The following SOS1 variants were observed in gnomAD, a reference collection of about 807,000 sequenced individuals.
SOS1 encodes SOS Ras/Rac guanine nucleotide exchange factor 1.
A neutral mutation model predicts 157.6 loss-of-function variants in SOS1; 25 were observed. The ratio of observed to expected loss-of-function variants is 0.16; its 90% CI spans 0.12 to 0.22. The LOEUF is 0.22. SOS1 is among the 10% of genes least tolerant of loss of function. SOS1 has a pLI of 1.00. For synonymous variants in SOS1, 528 were observed against 534.0 expected, an observed-to-expected ratio of 0.99 and a Z score of 0.16; for missense variants, 1,237 against 1,599.1, an observed-to-expected ratio of 0.77 and a Z score of 3.86.
intron 10 of SOS1, among the ~76,000 whole-genome samples, chr2:39,018,521 A>G (rs35666403): frequency 0.017 from 2,657 of 151,838 alleles, 39 homozygotes; most frequent in Non-Finnish European, 0.029. Flanking sequence ...TTTCCTCACT[A>G]TAAAACCATT....
chr2:39,075,517 T>A (rs1671938692), intron 1 of SOS1, among the ~76,000 whole-genome samples: 1 of 151,430 alleles, frequency 6.6e-6, no homozygotes, highest in Non-Finnish European at 1.5e-5. Context: ...AAAAACAAAC[T>A]TGAAAGTCAC....
chr2:39,117,682 G>A (rs1673705157), intron 1 of SOS1, among the ~76,000 whole-genome samples: 1 of 152,176 alleles, frequency 6.6e-6, no homozygotes, highest in Non-Finnish European at 1.5e-5. Context: ...TTGAAAAACA[G>A]AAGGTGAGGT....
Position 38,983,976 on chromosome 2 carries a change from A to AAAAT in SOS1, c.*1844_*1847dup, listed in dbSNP as rs1668476788. 6.6e-6 allele frequency: 1 copy of AAAAT among 152,206 alleles called. No homozygotes were observed. The highest frequency in any genetic ancestry group is 2.4e-5 in the African/African-American group (1 of 41,466). 9.4% of individuals were successfully genotyped at this position (152,206 alleles called of 1,614,324 possible). A position where few individuals can be genotyped will look rare whatever the true frequency, so the allele number is the denominator to read the frequency against. ...GATTCAATTCTAACAAATAAATAAG[A>AAAAT]AAATAGGATAGACTGCTTAATGATG... On this transcript the variant is annotated 3_prime_UTR_variant, in exon 23 of 23. Transcript: ENST00000402219.
rs779162761 is a variant in SOS1, at chr2:39,035,475, G to A, written c.890C>T (p.Ser297Leu). Reference sequence around the variant, plus strand: ...AGGTCGCAAAATATCTCGAGCATACGATTCATATGGATCAAATGCCAGTTC... The same window carrying A: ...AGGTCGCAAAATATCTCGAGCATACAATTCATATGGATCAAATGCCAGTTC... The part of the protein sequence containing the change: ...AEELAFDPYE[S>L]YARDILRPGF... The change falls in exon 7 of 23, where the codon TCG becomes TTG. Residue 297 changes from serine (S) to leucine (L), a missense_variant. Physicochemically the swap from Ser to Leu is moderately radical, Grantham distance 145. Transcript: ENST00000402219. 5.0e-6 allele frequency: 8 copies of A among 1,611,648 alleles called. No homozygotes were observed. Among genetic ancestry groups the A allele is most frequent in the Admixed American group, 1.7e-5 (1 of 59,988 alleles).
chr2:38,982,981 T>TA lies in SOS1; in HGVS notation c.*2842dup, dbSNP rs1270865446. On this transcript the variant is annotated 3_prime_UTR_variant, in exon 23 of 23. Transcript: ENST00000402219. The stretch of plus-strand genomic sequence containing the variant: ...ATCCATTAAAGCATCCTTGAGTTGT[T>TA]AGAGAATAGTAACCTACTAAACATA... 4 of 152,158 alleles carry TA rather than the reference T, an allele frequency of 2.6e-5. No homozygotes were observed. The highest frequency in any genetic ancestry group is 5.9e-5 in the Non-Finnish European group (4 of 68,004). The allele number at this position is 152,158 out of a possible 1,614,324, so 9.4% of individuals were successfully genotyped here. A position where few individuals can be genotyped will look rare whatever the true frequency, so the allele number is the denominator to read the frequency against.
rs142397783 is a variant in SOS1, at chr2:39,107,600, G to A, written c.87+12736C>T. Among the ~76,000 whole-genome samples the A allele has an allele frequency of 3.4e-3, 503 of 148,498 alleles. 2 individuals are homozygous for A. Among genetic ancestry groups the A allele is most frequent in the African/African-American group, 0.012 (477 of 39,920 alleles). On this transcript the variant is annotated intron_variant, in intron 1 of 22. Coordinates refer to ENST00000402219, the MANE Select transcript of SOS1 (RefSeq NM_005633.4). ...TGTGCTTAATCCCATCTTGGCATCT[G>A]CTTCTAAGAGGTCCTGGACTAATAC...
chr2:39,006,651 T>C, intron 16 of SOS1, 122 bp from the exon 17 acceptor site: 1 of 713,016 alleles, frequency 1.4e-6, no homozygotes, highest in South Asian at 1.6e-5. Flanking sequence ...GACTGTAACA[T>C]TGCTTCAAAT....
intron 1 of SOS1, among the ~76,000 whole-genome samples, chr2:39,104,922 G>A (rs920567965): frequency 2.6e-5 from 4 of 152,286 alleles, no homozygotes; most frequent in South Asian, 4.1e-4. Context: ...AGAATAGATG[G>A]TAGTAATCGT....
intron 6 of SOS1, among the ~76,000 whole-genome samples, chr2:39,043,460 A>C (rs1029400622): frequency 2.0e-5 from 3 of 152,126 alleles, no homozygotes; most frequent in African/African-American, 7.2e-5. Flanking sequence ...GTTACCCTTC[A>C]TGTCTCTATT....
intron 1 of SOS1, among the ~76,000 whole-genome samples, chr2:39,106,186 C>T (rs1334721053): frequency 1.4e-4 from 1 of 6,898 alleles, no homozygotes; most frequent in Non-Finnish European, 1.1e-3. Flanking sequence ...TGCTACTGTA[C>T]ACACACACAC....
At chr2:39,115,579 T>C (rs1049763857) in intron 1 of SOS1, among the ~76,000 whole-genome samples, 7 of 151,808 alleles carry the variant, frequency 4.6e-5, no homozygotes, top group Admixed American at 6.6e-5. Flanking sequence ...CACACCTGGC[T>C]AATTTTTTTA....
At chr2:39,040,955 T>A (rs530821081) in intron 6 of SOS1, among the ~76,000 whole-genome samples, 2 of 152,372 alleles carry the variant, frequency 1.3e-5, no homozygotes, top group African/African-American at 4.8e-5. Flanking sequence ...TATATTTCTA[T>A]CAGCAAAATA....
rs374428136 is a variant in SOS1 at position 39,019,934 on chromosome 2, T to G, written c.1858+2636A>C. On this transcript the variant is annotated intron_variant, in intron 10 of 22. Transcript: ENST00000402219. Reference sequence around the variant, plus strand: ...TTGGCAGTTCAAACCAAGGAAGTAATTTATTTATTTTTTTTGAGCTCACAT... The same window carrying G: ...TTGGCAGTTCAAACCAAGGAAGTAAGTTATTTATTTTTTTTGAGCTCACAT... 7.3e-5 allele frequency among the ~76,000 whole-genome samples: 11 copies of G among 151,688 alleles called. No homozygotes were observed. In the East Asian group the frequency reaches 1.7e-3, roughly 24 times the overall value.
In SOS1 at chr2:38,997,375, G is replaced by T; in HGVS notation, c.2842C>A (p.Leu948Ile). 1 of 1,611,840 alleles carries T rather than the reference G, an allele frequency of 6.2e-7. No individual in the cohort carries two copies. Among genetic ancestry groups the T allele is most frequent in the Non-Finnish European group, 8.5e-7 (1 of 1,178,374 alleles). Reference sequence around the variant, plus strand: ...ATAAGCTCTTTTCCATGTCTTTTTAGGACCTCAGGGTTGCCTTCTTCTGTT... The same window carrying T: ...ATAAGCTCTTTTCCATGTCTTTTTATGACCTCAGGGTTGCCTTCTTCTGTT... ...LKTEEGNPEVLKRHGKELINF... is the reference protein window; with the variant it reads ...LKTEEGNPEVIKRHGKELINF... The change falls in exon 18 of 23, where the codon CTA becomes ATA. Residue 948 changes from leucine (L) to isoleucine (I), a missense_variant. Leu to Ile is a conservative substitution (Grantham distance 5). Transcript: ENST00000402219.
At chr2:38,986,449 G>A (rs768163028) in intron 22 of SOS1, 134 bp from the exon 23 acceptor site, 1 of 884,320 alleles carries the variant, frequency 1.1e-6, no homozygotes, top group Non-Finnish European at 1.7e-6. Flanking sequence ...TTTGCCATAT[G>A]TTTTCTTTTT....
At chr2:39,015,669 C>T (rs1326932425) in intron 10 of SOS1, among the ~76,000 whole-genome samples, 1 of 151,968 alleles carries the variant, frequency 6.6e-6, no homozygotes, top group Non-Finnish European at 1.5e-5. Context: ...AGAAAGGCTG[C>T]TCTCACCAGC....
At chr2:39,077,136 C>T (rs1042710758) in intron 1 of SOS1, among the ~76,000 whole-genome samples, 3 of 151,838 alleles carry the variant, frequency 2.0e-5, no homozygotes, top group Admixed American at 6.6e-5. Context: ...TGAGGTCAGG[C>T]GTTCGACACC....
intron 10 of SOS1, among the ~76,000 whole-genome samples, chr2:39,020,531 A>T (rs890404210): frequency 6.6e-6 from 1 of 151,760 alleles, no homozygotes; most frequent in Non-Finnish European, 1.5e-5. Flanking sequence ...AAACATACCT[A>T]CTAACCAAAT....
chr2:39,119,547 AG>A (rs1673784845), intron 1 of SOS1, among the ~76,000 whole-genome samples: 1 of 152,230 alleles, frequency 6.6e-6, no homozygotes, highest in African/African-American at 2.4e-5. Flanking sequence ...AGGTAAATGA[AG>A]AAAAGAAAAC....
Sources: gnomAD v4.1 joint callset for allele counts (sites outside exome capture counted in the v4.1 genomes callset) on GRCh38, gnomAD v4.1.1 for gene constraint, MANE v1.5 for transcripts, NCBI Gene and HGNC (gene_info 2026-07-23, HGNC 2026-07-21) for gene names.